Variants in ROPN1L observed in about 807,000 individuals in gnomAD.
ROPN1L encodes ropporin-1-like protein.
In ROPN1L, 23 loss-of-function variants were observed where a neutral mutation model predicts 22.7. The ratio of observed to expected loss-of-function variants is 1.01; its 90% CI spans 0.73 to 1.43. The LOEUF (loss-of-function observed/expected upper bound fraction) is 1.43. ROPN1L is among the 40% of genes most tolerant of loss of function. The pLI is 0.00. For missense variants in ROPN1L, 271 were observed against 291.5 expected (o/e 0.93, Z 0.51); for synonymous variants, 116 against 117.8 (o/e 0.98, Z 0.10).
At chr5:10,459,750 G>C (rs1004086766) in intron 3 of ROPN1L, among the ~76,000 whole-genome samples, 1 of 152,104 alleles carries the variant, frequency 6.6e-6, no homozygotes, top group Non-Finnish European at 1.5e-5. Context: ...CCTCCACCCC[G>C]GCACTGCCTG....
rs70947207 is a variant in ROPN1L, at chr5:10,451,928, A to AATCTATCTATCTATCTATCTATCT, written c.417+1816_417+1839dup. ...ACTTTGTTAATCTGGAACTCTGTGA[A>AATCTATCTATCTATCTATCTATCT]ATCTATCTATCTATCTATCTATCTG... On this transcript the variant is annotated intron_variant, in intron 3 of 4. Coordinates refer to ENST00000274134, the MANE Select transcript of ROPN1L (RefSeq NM_031916.5). Among the ~76,000 whole-genome samples the AATCTATCTATCTATCTATCTATCT allele has an allele frequency of 2.0e-3, 301 of 150,630 alleles. 2 individuals are homozygous for AATCTATCTATCTATCTATCTATCT. Among genetic ancestry groups the AATCTATCTATCTATCTATCTATCT allele is most frequent in the East Asian group, 4.3e-3 (22 of 5,100 alleles).
chr5:10,458,594 CT>C (rs1282010120), intron 3 of ROPN1L, among the ~76,000 whole-genome samples: 1 of 88,708 alleles, frequency 1.1e-5, no homozygotes, highest in Non-Finnish European at 2.3e-5. Flanking sequence ...CACCATCCCC[CT>C]CATGTACACC....
intron 4 of ROPN1L, among the ~76,000 whole-genome samples, chr5:10,470,786 C>G (rs1481580944): frequency 1.3e-5 from 2 of 152,196 alleles, no homozygotes; most frequent in African/African-American, 2.4e-5. Flanking sequence ...GTGCCCTGGC[C>G]GTGGGGCCTC....
chr5:10,476,540 G>A (rs1162823278), downstream of ROPN1L, among the ~76,000 whole-genome samples: 2 of 152,188 alleles, frequency 1.3e-5, no homozygotes, highest in South Asian at 4.1e-4. Context: ...AGAAGTCTGA[G>A]CTAAGGTTTC....
At chr5:10,442,618 TTTACA>T (rs756301803) in intron 1 of ROPN1L, among the ~76,000 whole-genome samples, 3 of 152,206 alleles carry the variant, frequency 2.0e-5, no homozygotes, top group Admixed American at 6.5e-5. Context: ...CAAAAAAGTG[TTTACA>T]TTATGTTAAA....
chr5:10,473,878 G>A (rs185452704), downstream of ROPN1L, among the ~76,000 whole-genome samples: 146 of 152,276 alleles, frequency 9.6e-4, 2 homozygotes, highest in South Asian at 0.011. Flanking sequence ...CTGGCTGGGC[G>A]CAATGGTTCA....
intron 3 of ROPN1L, among the ~76,000 whole-genome samples, chr5:10,459,376 T>C (rs1734962292): frequency 6.6e-6 from 1 of 151,086 alleles, no homozygotes; most frequent in South Asian, 2.1e-4. Context: ...GGTTCTTGCC[T>C]TCCACCCTCA....
rs1740894049 is a variant in ROPN1L at position 10,442,013 on chromosome 5, C to T, written c.-155C>T. ...GCCCGCGGAGGAGCGGGTAAGAGCC[C>T]CGCGAATCCGGCCCCAACCTCGGGA... On this transcript the variant is annotated 5_prime_UTR_variant, in exon 1 of 5. Coordinates refer to ENST00000274134, the MANE Select transcript of ROPN1L (RefSeq NM_031916.5). The T allele has an allele frequency of 9.6e-7, 1 of 1,047,028 alleles. No individual in the cohort carries two copies. The highest frequency in any genetic ancestry group is 2.6e-5 in the East Asian group (1 of 39,208). The allele number at this position is 1,047,028 out of a possible 1,614,324, so 64.9% of individuals were successfully genotyped here. A position where few individuals can be genotyped will look rare whatever the true frequency, so the allele number is the denominator to read the frequency against.
intron 4 of ROPN1L, among the ~76,000 whole-genome samples, chr5:10,471,053 A>G (rs1477294509): frequency 6.6e-6 from 1 of 152,190 alleles, no homozygotes; most frequent in African/African-American, 2.4e-5. Context: ...TTGGAGCCCA[A>G]CTCCAAAGGA....
At chr5:10,476,194 G>A (rs79879672), downstream of ROPN1L, among the ~76,000 whole-genome samples, 5,355 of 152,320 alleles carry the variant, frequency 0.035, 305 homozygotes, top group African/African-American at 0.12. Context: ...CATGGAAGAA[G>A]TGAGAGCGTG....
chr5:10,463,706 G>A (rs1735088748), intron 4 of ROPN1L, among the ~76,000 whole-genome samples: 2 of 152,202 alleles, frequency 1.3e-5, no homozygotes, highest in African/African-American at 4.8e-5. Context: ...TGCCGGGGAT[G>A]TAGTCAGTGA....
chr5:10,447,615 G>A (rs1437903328), intron 1 of ROPN1L, among the ~76,000 whole-genome samples: 2 of 152,210 alleles, frequency 1.3e-5, no homozygotes, highest in African/African-American at 2.4e-5. Flanking sequence ...AGTGGCTCAC[G>A]CCTATAATCC....
At chr5:10,460,525 AG>A (rs75927212) in intron 3 of ROPN1L, among the ~76,000 whole-genome samples, 24,865 of 152,286 alleles carry the variant, frequency 0.16, 3,130 homozygotes, top group East Asian at 0.66. Context: ...TCCCGCTGAA[AG>A]CAGAGGGTGG....
the ROPN1L span, among the ~76,000 whole-genome samples, chr5:10,478,452 C>A: frequency 2.0e-5 from 3 of 152,178 alleles, no homozygotes; most frequent in Non-Finnish European, 4.4e-5. Context: ...ATTGGCAGGG[C>A]CACACTTCCT....
At chr5:10,460,430 C>A (rs968812169) in intron 3 of ROPN1L, among the ~76,000 whole-genome samples, 2 of 152,238 alleles carry the variant, frequency 1.3e-5, no homozygotes, top group East Asian at 1.9e-4. Context: ...AGCTGCCCCC[C>A]ACCCCCGCAG....
downstream of ROPN1L, among the ~76,000 whole-genome samples, chr5:10,466,022 G>T (rs967821795): frequency 3.9e-5 from 6 of 152,146 alleles, no homozygotes; most frequent in African/African-American, 1.4e-4. Flanking sequence ...TCCGTGGCTG[G>T]GGGAAATGTA....
chr5:10,466,233 C>A (rs1227885946), downstream of ROPN1L, among the ~76,000 whole-genome samples: 2 of 152,180 alleles, frequency 1.3e-5, no homozygotes, highest in Admixed American at 6.5e-5. Flanking sequence ...CCCTCTAAAA[C>A]TTAGAGGGAC....
intron 3 of ROPN1L, among the ~76,000 whole-genome samples, chr5:10,453,960 C>T (rs891347382): frequency 1.3e-5 from 2 of 152,134 alleles, no homozygotes; most frequent in African/African-American, 2.4e-5. Context: ...CTACTTATTA[C>T]ATCAAAAGCT....
At chr5:10,451,435 T>A (rs1579646676) in intron 3 of ROPN1L, among the ~76,000 whole-genome samples, 1 of 152,392 alleles carries the variant, frequency 6.6e-6, no homozygotes. Context: ...CATGCTTCTA[T>A]GTGTCCCGCA....
Sources: gnomAD v4.1 joint callset for allele counts (sites outside exome capture counted in the v4.1 genomes callset) on GRCh38, gnomAD v4.1.1 for gene constraint, MANE v1.5 for transcripts, NCBI Gene and HGNC (gene_info 2026-07-23, HGNC 2026-07-21) for gene names.